The following BRINP3 variants were observed in gnomAD, a reference collection of about 807,000 sequenced individuals.
The protein encoded by BRINP3 is BMP/retinoic acid inducible neural specific 3.
BRINP3 carries 19 observed loss-of-function variants against 71.0 expected under a neutral mutation model. The ratio of observed to expected loss-of-function variants is 0.27; its 90% CI spans 0.19 to 0.39. BRINP3 has a LOEUF of 0.39. BRINP3 is among the 10% of genes least tolerant of loss of function. The pLI, the probability that BRINP3 is intolerant of heterozygous loss-of-function variation, is 1.00. For synonymous variants in BRINP3, 380 were observed against 337.7 expected (o/e 1.13, Z -1.37); for missense variants, 959 against 940.8 (o/e 1.02, Z -0.25).
chr1:190,242,719 G>A (rs907697714), intron 4 of BRINP3, among the ~76,000 whole-genome samples: 3 of 151,934 alleles, frequency 2.0e-5, no homozygotes, highest in African/African-American at 4.8e-5. Flanking sequence ...CATAAGGATC[G>A]AAAGTATGAT....
At chr1:190,265,187 G>T (rs1661548943) in intron 3 of BRINP3, 132 bp from the exon 4 acceptor site, 11 of 768,044 alleles carry the variant, frequency 1.4e-5, no homozygotes, top group Non-Finnish European at 1.9e-5. Flanking sequence ...AGGGCAAGGG[G>T]TTTTATTTTT....
chr1:190,300,072 A>G (rs886556784), intron 2 of BRINP3, among the ~76,000 whole-genome samples: 1 of 151,840 alleles, frequency 6.6e-6, no homozygotes, highest in Non-Finnish European at 1.5e-5. Context: ...CGTTCTCTGT[A>G]TTTCCTGAAT....
intron 2 of BRINP3, among the ~76,000 whole-genome samples, chr1:190,349,049 A>G (rs1347314484): frequency 6.6e-6 from 1 of 152,102 alleles, no homozygotes; most frequent in Non-Finnish European, 1.5e-5. Context: ...TGGAAGCATA[A>G]TACTTTGATG....
chr1:190,101,829 G>A (rs1245187287), intron 7 of BRINP3, among the ~76,000 whole-genome samples: 1 of 152,258 alleles, frequency 6.6e-6, no homozygotes, highest in East Asian at 1.9e-4. Flanking sequence ...GCTCACAAAA[G>A]TAGGGCACTG....
At chr1:190,189,974 G>C (rs994185469) in intron 6 of BRINP3, among the ~76,000 whole-genome samples, 2 of 152,126 alleles carry the variant, frequency 1.3e-5, no homozygotes, top group Non-Finnish European at 2.9e-5. Flanking sequence ...CCAAAAGTCT[G>C]GGATACATTA....
chr1:190,365,806 G>GTGTGTATATATATA (rs913644308), intron 2 of BRINP3, among the ~76,000 whole-genome samples: 7 of 127,876 alleles, frequency 5.5e-5, no homozygotes, highest in Non-Finnish European at 8.1e-5. Context: ...GAGAGCAAGT[G>GTGTGTATATATATA]TATATATATA....
At chr1:190,147,084 C>G (rs2102407926) in intron 7 of BRINP3, among the ~76,000 whole-genome samples, 1 of 151,958 alleles carries the variant, frequency 6.6e-6, no homozygotes, top group Middle Eastern at 3.4e-3. Context: ...TATTGGTAGG[C>G]TATTCATTTT....
At chr1:190,102,904 T>A (rs1353944820) in intron 7 of BRINP3, among the ~76,000 whole-genome samples, 1 of 152,080 alleles carries the variant, frequency 6.6e-6, no homozygotes, top group Non-Finnish European at 1.5e-5. Context: ...CTGGAAAAAT[T>A]AATCATTAGC....
chr1:190,457,111 A>T (rs1467872981), intron 1 of BRINP3, among the ~76,000 whole-genome samples: 1 of 152,068 alleles, frequency 6.6e-6, no homozygotes, highest in Non-Finnish European at 1.5e-5. Context: ...CATAGTGGTT[A>T]AAAAAATGGA....
intron 2 of BRINP3, among the ~76,000 whole-genome samples, chr1:190,351,174 A>G (rs1668362404): frequency 6.6e-6 from 1 of 152,054 alleles, no homozygotes; most frequent in South Asian, 2.1e-4. Flanking sequence ...GTCACTTAAG[A>G]GAATAAAAAC....
At chr1:190,356,797 C>T (rs540192303) in intron 2 of BRINP3, among the ~76,000 whole-genome samples, 1 of 152,162 alleles carries the variant, frequency 6.6e-6, no homozygotes, top group African/African-American at 2.4e-5. Flanking sequence ...AACAATTACC[C>T]TGTCTACCAC....
chr1:190,269,752 G>A (rs192804845), intron 3 of BRINP3, among the ~76,000 whole-genome samples: 7 of 152,032 alleles, frequency 4.6e-5, no homozygotes, highest in Non-Finnish European at 1.0e-4. Context: ...TGACAACTTG[G>A]GCAAATCTAT....
chr1:190,388,703 C>T (rs1384158486), intron 2 of BRINP3, among the ~76,000 whole-genome samples: 1 of 151,672 alleles, frequency 6.6e-6, no homozygotes, highest in East Asian at 1.9e-4. Context: ...TTTATGCCAC[C>T]CAGTTTGTGA....
At chr1:190,101,122 C>A (rs185893716) in intron 7 of BRINP3, among the ~76,000 whole-genome samples, 1 of 152,270 alleles carries the variant, frequency 6.6e-6, no homozygotes, top group Non-Finnish European at 1.5e-5. Flanking sequence ...GAAACCTGAA[C>A]CAATACATTT....
intron 7 of BRINP3, among the ~76,000 whole-genome samples, chr1:190,112,437 A>T (rs1276823487): frequency 6.6e-6 from 1 of 152,160 alleles, no homozygotes; most frequent in East Asian, 1.9e-4. Context: ...ATTTCTATGC[A>T]TTAGTATATT....
intron 7 of BRINP3, among the ~76,000 whole-genome samples, chr1:190,149,900 A>C (rs1475428961): frequency 2.6e-5 from 4 of 152,104 alleles, no homozygotes; most frequent in African/African-American, 9.7e-5. Flanking sequence ...CTTTTGTCAC[A>C]TCAATGTTCT....
chr1:190,124,580 A>G (rs2102329974), intron 7 of BRINP3, among the ~76,000 whole-genome samples: 1 of 152,304 alleles, frequency 6.6e-6, no homozygotes, highest in East Asian at 1.9e-4. Context: ...TGGTATTTTA[A>G]AAAATCATTT....
At chr1:190,443,529 C>A (rs1674982151) in intron 2 of BRINP3, among the ~76,000 whole-genome samples, 1 of 152,058 alleles carries the variant, frequency 6.6e-6, no homozygotes, top group Non-Finnish European at 1.5e-5. Flanking sequence ...TACTGGCAAA[C>A]AAAATGGACA....
At chr1:190,158,070 G>A (rs945628187) in intron 7 of BRINP3, among the ~76,000 whole-genome samples, 1 of 152,130 alleles carries the variant, frequency 6.6e-6, no homozygotes, top group African/African-American at 2.4e-5. Flanking sequence ...TAGTTTGGCT[G>A]TGTTCCCACC....
Sources: gnomAD v4.1 joint callset for allele counts (sites outside exome capture counted in the v4.1 genomes callset) on GRCh38, gnomAD v4.1.1 for gene constraint, MANE v1.5 for transcripts, NCBI Gene and HGNC (gene_info 2026-07-23, HGNC 2026-07-21) for gene names.